The following EYA2 variants were observed in gnomAD, a reference collection of about 807,000 sequenced individuals.
The protein encoded by EYA2 is protein phosphatase EYA2.
A neutral mutation model predicts 69.2 loss-of-function variants in EYA2; 31 were observed. That is an observed-to-expected ratio of 0.45 (90% CI 0.34 to 0.60). The LOEUF is 0.60. Among genes scored for constraint, EYA2 ranks in the 20% least tolerant of loss-of-function variants. The pLI is 0.02. For missense variants in EYA2, 622 were observed against 701.2 expected (o/e 0.89, Z 1.28); for synonymous variants, 257 against 279.4 (o/e 0.92, Z 0.80).
At chr20:47,062,274 T>C (rs1040820604) in intron 5 of EYA2, among the ~76,000 whole-genome samples, 1 of 152,210 alleles carries the variant, frequency 6.6e-6, no homozygotes, top group Non-Finnish European at 1.5e-5. Context: ...CTTGAGTATC[T>C]GTCCATTAAA....
intron 4 of EYA2, among the ~76,000 whole-genome samples, chr20:47,007,188 C>T (rs1016905595): frequency 3.3e-5 from 5 of 152,206 alleles, no homozygotes; most frequent in Non-Finnish European, 7.3e-5. Flanking sequence ...GCCTTGGCCT[C>T]CCAAGGAGCT....
At chr20:47,029,992 G>T (rs1431677885) in intron 5 of EYA2, among the ~76,000 whole-genome samples, 1 of 152,152 alleles carries the variant, frequency 6.6e-6, no homozygotes, top group Non-Finnish European at 1.5e-5. Flanking sequence ...ATAGGTCTCT[G>T]TCCCAATTAC....
chr20:46,923,657 A>G lies in EYA2; in HGVS notation c.-11+28670A>G, dbSNP rs934246492. 2.6e-5 allele frequency among the ~76,000 whole-genome samples: 4 copies of G among 152,216 alleles called. No homozygotes were observed. In the East Asian group the frequency reaches 5.8e-4, roughly 22 times the overall value. Reference sequence around the variant, plus strand: ...AAGGCCATTATGCATGTAACTCTGAAATGATGCACAAAAGAAAAATAATAC... The same window carrying G: ...AAGGCCATTATGCATGTAACTCTGAGATGATGCACAAAAGAAAAATAATAC... On this transcript the variant is annotated intron_variant, in intron 1 of 15. Transcript: ENST00000327619.
rs1256972678 is a variant in EYA2, at chr20:46,990,118, A to C, written c.108A>C (p.Gln36His). ...CTGTGTGGACTCTGAGTGACAGACA[A>C]GGTAGGCTTCCTGCTGTGAGTTTGG... is the stretch of plus-strand genomic sequence containing the variant. ...DAAVWTLSDR[Q>H]GITKSAPLRV... The change falls in exon 2 of 16, where the codon CAA (glutamine) becomes CAC (histidine). Residue 36 changes from glutamine to histidine, a missense_variant and splice_region_variant. This residue lies in a region of EYA2 where 365 missense variants were observed against 349.7 expected (regional missense o/e 1.04). Transcript: ENST00000327619. 2 of 1,584,966 alleles carry C rather than the reference A, an allele frequency of 1.3e-6. No homozygotes were observed. The highest frequency in any genetic ancestry group is 1.7e-6 in the Non-Finnish European group (2 of 1,154,010).
At chr20:47,159,015 GT>G (rs2034011469) in intron 10 of EYA2, among the ~76,000 whole-genome samples, 1 of 151,998 alleles carries the variant, frequency 6.6e-6, no homozygotes, top group African/African-American at 2.4e-5. Flanking sequence ...CTATGCTGAT[GT>G]AGATAAATGA....
intron 10 of EYA2, among the ~76,000 whole-genome samples, chr20:47,155,668 A>G (rs1164583920): frequency 6.6e-6 from 1 of 151,830 alleles, no homozygotes; most frequent in Non-Finnish European, 1.5e-5. Context: ...GCAGCCCTGC[A>G]AAGGAGATGG....
At chr20:47,001,611 C>T (rs549456376) in intron 3 of EYA2, 138 bp downstream of exon 3, 194 of 883,842 alleles carry the variant, frequency 2.2e-4, no homozygotes, top group Admixed American at 5.6e-4. Context: ...GCTGAGTGAG[C>T]TTGAGCAAGT....
At chr20:46,954,396 T>G (rs1300288270) in intron 1 of EYA2, among the ~76,000 whole-genome samples, 1 of 152,070 alleles carries the variant, frequency 6.6e-6, no homozygotes, top group African/African-American at 2.4e-5. Flanking sequence ...ATAAGAAAAA[T>G]AAAATCGGTA....
At chr20:47,073,457 GGTGTGTGTGCGGTCTTCTAGGTTTGTGT>G (rs2031389502) in intron 6 of EYA2, among the ~76,000 whole-genome samples, 1 of 151,876 alleles carries the variant, frequency 6.6e-6, no homozygotes, top group Admixed American at 6.6e-5. Context: ...GTGTCGTGTG[GGTGTGTGTGCGGTCTTCTAGGTTTGTGT>G]GTGTGTCGTG....
At chr20:47,074,405 C>A (rs1033996610) in intron 7 of EYA2, 70 bp downstream of exon 7, 3 of 1,478,698 alleles carry the variant, frequency 2.0e-6, no homozygotes, top group Non-Finnish European at 2.8e-6. Context: ...GGGACCCGCA[C>A]ATGGGTCCCA....
chr20:46,905,193 CAAA>C (rs11475669), intron 1 of EYA2, among the ~76,000 whole-genome samples: 10 of 149,126 alleles, frequency 6.7e-5, no homozygotes, highest in South Asian at 2.1e-4. Flanking sequence ...TTAATCCTCT[CAAA>C]AAAAAAAAAT....
intron 5 of EYA2, among the ~76,000 whole-genome samples, chr20:47,028,832 G>A (rs2146393412): frequency 1.3e-5 from 2 of 152,292 alleles, no homozygotes; most frequent in Middle Eastern, 6.8e-3. Context: ...AGATGGCTGG[G>A]TGGCCCTGTG....
intron 10 of EYA2, among the ~76,000 whole-genome samples, chr20:47,147,341 C>A (rs1305594228): frequency 6.6e-6 from 1 of 152,122 alleles, no homozygotes; most frequent in Non-Finnish European, 1.5e-5. Flanking sequence ...CAGGTGTGAG[C>A]CACCGCACCC....
intron 1 of EYA2, among the ~76,000 whole-genome samples, chr20:46,935,774 T>A (rs1021121857): frequency 6.6e-6 from 1 of 152,120 alleles, no homozygotes; most frequent in Non-Finnish European, 1.5e-5. Flanking sequence ...ATTATTATTA[T>A]GTATTTGTAA....
At chr20:47,047,480 G>A (rs981224256) in intron 5 of EYA2, among the ~76,000 whole-genome samples, 14 of 151,448 alleles carry the variant, frequency 9.2e-5, no homozygotes, top group African/African-American at 2.9e-4. Context: ...TCCGCCTCCC[G>A]GGTTCAAGCG....
At chr20:46,998,315 G>C (rs548204083) in intron 2 of EYA2, 4 of 152,306 alleles carry the variant, frequency 2.6e-5, no homozygotes, top group African/African-American at 9.6e-5. Flanking sequence ...TGAAGACCAC[G>C]TTGTCGCTTG....
intron 7 of EYA2, among the ~76,000 whole-genome samples, chr20:47,079,379 G>A (rs2031635877): frequency 6.6e-6 from 1 of 152,208 alleles, no homozygotes; most frequent in African/African-American, 2.4e-5. Context: ...CTCCAGAGGA[G>A]AATCACTTCC....
At chr20:46,907,128 A>G (rs1984398098) in intron 1 of EYA2, among the ~76,000 whole-genome samples, 2 of 152,326 alleles carry the variant, frequency 1.3e-5, no homozygotes, top group South Asian at 4.1e-4. Context: ...AGACACACAC[A>G]GTGATTGTTA....
chr20:47,049,870 C>G (rs1034865861), intron 5 of EYA2, among the ~76,000 whole-genome samples: 14 of 151,160 alleles, frequency 9.3e-5, no homozygotes, highest in Admixed American at 5.3e-4. Flanking sequence ...ACCCCCCCCC[C>G]ACCGCCACCA....
Sources: gnomAD v4.1 joint callset for allele counts (sites outside exome capture counted in the v4.1 genomes callset) on GRCh38, gnomAD v4.1.1 for gene constraint, gnomAD v4.1.1 regional missense constraint, MANE v1.5 for transcripts, NCBI Gene and HGNC (gene_info 2026-07-23, HGNC 2026-07-21) for gene names.